Variants in NCKAP1L observed in about 807,000 individuals in gnomAD.
NCKAP1L encodes the protein NCK associated protein 1 like.
A neutral mutation model predicts 139.2 loss-of-function variants in NCKAP1L; 53 were observed. The observed-to-expected ratio is 0.38, with a 90% CI of 0.31 to 0.48. NCKAP1L has a LOEUF of 0.48. NCKAP1L is among the 20% of genes least tolerant of loss of function. The probability of loss-of-function intolerance (pLI) is 0.98; values close to 1 mark genes in which losing one functional copy is unlikely to be tolerated. For missense variants in NCKAP1L, 1,151 were observed against 1,381.9 expected, an observed-to-expected ratio of 0.83 and a Z score of 2.65; for synonymous variants, 468 against 499.7, an observed-to-expected ratio of 0.94 and a Z score of 0.85.
chr12:54,523,863 T>G lies in NCKAP1L; in HGVS notation c.2063T>G (p.Leu688Arg). ...CACCTAAACTTGACAGAACTGGCAC[T>G]GACAATGAATCATGTATACAGTTTC... ...KLHLNLTELALTMNHVYSFSV... is the reference protein window; with the variant it reads ...KLHLNLTELARTMNHVYSFSV... Residue 688 changes from leucine to arginine, a missense_variant, in exon 20 of 31, where the codon CTG becomes CGG. Leu to Arg is a moderately radical substitution (Grantham distance 102, BLOSUM62 -2). Transcript: ENST00000293373. The G allele has an allele frequency of 6.2e-7, 1 of 1,614,156 alleles. No individual in the cohort carries two copies. The highest frequency in any genetic ancestry group is 8.5e-7 in the Non-Finnish European group (1 of 1,179,998).
intron 9 of NCKAP1L, among the ~76,000 whole-genome samples, chr12:54,512,857 T>G (rs1444324100): frequency 6.6e-6 from 1 of 151,836 alleles, no homozygotes; most frequent in Admixed American, 6.6e-5. Context: ...GGGAGTTGCT[T>G]GAGGCAAAGA....
rs780525897 is a variant in NCKAP1L at position 54,518,728 on chromosome 12, A to T, written c.1416A>T (p.Lys472Asn). Reference sequence around the variant, plus strand: ...GTATCCTCTCCTCTCTGAATCTCAAACAAGGTAACTGGAGGGAGGTGGGGG... The same window carrying T: ...GTATCCTCTCCTCTCTGAATCTCAATCAAGGTAACTGGAGGGAGGTGGGGG... ...FVSILSSLNL[K>N]QVDNGEKFEF... Residue 472 changes from lysine (K) to asparagine (N), a missense_variant, in exon 14 of 31, where the codon AAA (lysine) becomes AAT (asparagine). Lys to Asn is a moderately conservative substitution (Grantham distance 94, BLOSUM62 0). Coordinates refer to ENST00000293373, the MANE Select transcript of NCKAP1L (RefSeq NM_005337.5). The T allele has an allele frequency of 1.2e-6, 2 of 1,612,268 alleles. No individual in the cohort carries two copies. Among genetic ancestry groups the T allele is most frequent in the East Asian group, 2.2e-5 (1 of 44,882 alleles).
chr12:54,522,531 C>T (rs1270317440), intron 18 of NCKAP1L, among the ~76,000 whole-genome samples: 2 of 152,212 alleles, frequency 1.3e-5, no homozygotes, highest in African/African-American at 2.4e-5. Context: ...TTTGGAACTG[C>T]TTTCAGAATC....
At chr12:54,502,856 GGCATGGTAGTGAGT>G (rs1005328742) in intron 3 of NCKAP1L, among the ~76,000 whole-genome samples, 5 of 145,852 alleles carry the variant, frequency 3.4e-5, no homozygotes, top group Admixed American at 2.1e-4. Flanking sequence ...AAATTAGCTG[GGCATGGTAGTGAGT>G]GCCTGTAGTC....
At chr12:54,531,428 G>A in intron 23 of NCKAP1L, 63 bp from the exon 24 acceptor site, 1 of 1,606,660 alleles carries the variant, frequency 6.2e-7, no homozygotes, top group Non-Finnish European at 8.5e-7. Flanking sequence ...GGAGACTGGG[G>A]GGGAAGATGT....
At chr12:54,500,909 G>C in intron 3 of NCKAP1L, 1 of 245,572 alleles carries the variant, frequency 4.1e-6, no homozygotes, top group African/African-American at 2.3e-5. Flanking sequence ...ACTACCTTTG[G>C]GGACTGATTA....
intron 27 of NCKAP1L, 81 bp downstream of exon 27, chr12:54,535,278 A>C: frequency 9.3e-7 from 1 of 1,071,956 alleles, no homozygotes; most frequent in Non-Finnish European, 1.4e-6. Context: ...AATGTCAAAG[A>C]AGCCTTTATT....
chr12:54,503,019 AG>A lies in NCKAP1L; in HGVS notation c.306+2395del, dbSNP rs373832686. Among the ~76,000 whole-genome samples, 201 of 150,148 alleles carry A rather than the reference AG, an allele frequency of 1.3e-3. 3 individuals carry two copies. Among genetic ancestry groups the A allele is most frequent in the Non-Finnish European group, 1.3e-3 (86 of 67,394 alleles). ...GACTTTGTCTCAAAAAAAAAAAAAA[AG>A]AAACAAAACCCCACCCAAACTAATA... On this transcript the variant is annotated intron_variant, in intron 3 of 30. Transcript: ENST00000293373.
chr12:54,512,878 A>C lies in NCKAP1L; in HGVS notation c.941+773A>C, dbSNP rs1043931416. ...TGCTTGAGGCAAAGAAAGATATTCTAGGCAGAGAAACTATCAAGATTTTTG... is the reference window on the plus strand; with the variant it reads ...TGCTTGAGGCAAAGAAAGATATTCTCGGCAGAGAAACTATCAAGATTTTTG... On this transcript the variant is annotated intron_variant, in intron 9 of 30. Transcript: ENST00000293373. Among the ~76,000 whole-genome samples the C allele has an allele frequency of 5.3e-5, 8 of 152,244 alleles. No homozygotes were observed. In the East Asian group the frequency reaches 9.6e-4, roughly 18 times the overall value.
intron 26 of NCKAP1L, among the ~76,000 whole-genome samples, chr12:54,532,472 G>A (rs1437936682): frequency 6.6e-6 from 1 of 152,070 alleles, no homozygotes; most frequent in Non-Finnish European, 1.5e-5. Context: ...GACACTATGA[G>A]GGTTGGGGAG....
chr12:54,508,464 C>T lies in NCKAP1L; in HGVS notation c.439C>T (p.Arg147Trp), dbSNP rs780225435. The change falls in exon 5 of 31, where the codon CGG (arginine) becomes TGG (tryptophan). Residue 147 changes from arginine to tryptophan, a missense_variant. Coordinates refer to ENST00000293373, the MANE Select transcript of NCKAP1L (RefSeq NM_005337.5). ...CACCTCAGTCATTTTACTTCTGTCA[C>T]GGATTGAAGATCGGCGGATACTCAT... ...TYTSVILLLS[R>W]IEDRRILIGM... 27 of 1,613,896 alleles carry T rather than the reference C, an allele frequency of 1.7e-5. No homozygotes were observed. Among genetic ancestry groups the T allele is most frequent in the Admixed American group, 6.7e-5 (4 of 59,996 alleles).
rs1386575022 is a variant in NCKAP1L at position 54,543,820 on chromosome 12, C to T, written c.*1135C>T. 1 of 152,224 alleles carries T rather than the reference C, an allele frequency of 6.6e-6. No homozygotes were observed. The highest frequency in any genetic ancestry group is 1.5e-5 in the Non-Finnish European group (1 of 68,044). The allele number at this position is 152,224 out of a possible 1,614,324, so 9.4% of individuals were successfully genotyped here. ...CCCATGCATCACTTCTGTGAATCCA[C>T]TGCCAGGGAGAAGTGGAGAAACAGA... On this transcript the variant is annotated 3_prime_UTR_variant, in exon 31 of 31. Coordinates refer to ENST00000293373, the MANE Select transcript of NCKAP1L (RefSeq NM_005337.5).
chr12:54,511,027 G>T (rs950343145), intron 7 of NCKAP1L, among the ~76,000 whole-genome samples: 1 of 152,154 alleles, frequency 6.6e-6, no homozygotes, highest in African/African-American at 2.4e-5. Flanking sequence ...AGAACTTATA[G>T]TCTGGTAGGG....
At position 54,508,994 on chromosome 12, in the gene NCKAP1L, C is replaced by T. The variant is rs1956864444; in HGVS notation, c.506+463C>T. On this transcript the variant is annotated intron_variant, in intron 5 of 30. Transcript: ENST00000293373. ...GCATCATCTCTGAACAATTTTTAATCCTGGACTGGCTTCTACTCTGATTTT... is the reference window on the plus strand; with the variant it reads ...GCATCATCTCTGAACAATTTTTAATTCTGGACTGGCTTCTACTCTGATTTT... Among the ~76,000 whole-genome samples the T allele has an allele frequency of 2.6e-5, 4 of 152,118 alleles. No homozygotes were observed. The South Asian group carries it at 8.3e-4, about 31-fold the overall frequency.
In NCKAP1L at chr12:54,499,368, C is replaced by T; in HGVS notation, c.116C>T (p.Pro39Leu). Reference sequence around the variant, plus strand: ...TTCTCTCTGCAGACTTGTTCAGACCCCAAATCTAAGCCACCTTTCTTACTG... The same window carrying T: ...TTCTCTCTGCAGACTTGTTCAGACCTCAAATCTAAGCCACCTTTCTTACTG... ...MYNIKKTCSD[P>L]KSKPPFLLEK... Residue 39 changes from proline (P) to leucine (L), a missense_variant, in exon 2 of 31, where the codon CCC becomes CTC. Coordinates refer to ENST00000293373, the MANE Select transcript of NCKAP1L (RefSeq NM_005337.5). 1 of 1,602,876 alleles carries T rather than the reference C, an allele frequency of 6.2e-7. No individual in the cohort carries two copies. Among genetic ancestry groups the T allele is most frequent in the South Asian group, 1.1e-5 (1 of 90,828 alleles).
In NCKAP1L at chr12:54,512,804, T is replaced by TTG. The variant is rs146581573; in HGVS notation, c.941+716_941+717dup. On this transcript the variant is annotated intron_variant, in intron 9 of 30. Coordinates refer to ENST00000293373, the MANE Select transcript of NCKAP1L (RefSeq NM_005337.5). ...TGTGTGTGTGTGTATGTGTGAGTAATTGTGTGTGTGTGTGTGTGCCTGTGC... is the reference window on the plus strand; with the variant it reads ...TGTGTGTGTGTGTATGTGTGAGTAATTGTGTGTGTGTGTGTGTGTGCCTGTGC... 8.5e-4 allele frequency among the ~76,000 whole-genome samples: 123 copies of TTG among 145,350 alleles called. 1 individual carries two copies. Among genetic ancestry groups the TTG allele is most frequent in the East Asian group, 4.4e-3 (22 of 5,008 alleles).
At position 54,538,951 on chromosome 12, in the gene NCKAP1L, C is replaced by G; in HGVS notation, c.3251C>G (p.Ser1084Cys). 1 of 1,614,032 alleles carries G rather than the reference C, an allele frequency of 6.2e-7. No individual in the cohort carries two copies. ...AAGCTTAAAACCAGAAATCGAGAAT[C>G]CATTTCTCTGCTCATGCGCTTGGTA... is the stretch of plus-strand genomic sequence containing the variant. ...TDKLKTRNRE[S>C]ISLLMRLVVE... Residue 1084 changes from serine (S) to cysteine (C), a missense_variant, in exon 30 of 31, where the codon TCC becomes TGC. By Grantham distance (112) the Ser-to-Cys change is moderately radical. Coordinates refer to ENST00000293373, the MANE Select transcript of NCKAP1L (RefSeq NM_005337.5).
At chr12:54,521,067 A>C in intron 17 of NCKAP1L, 52 bp from the exon 18 acceptor site, 1 of 1,610,812 alleles carries the variant, frequency 6.2e-7, no homozygotes, top group East Asian at 2.2e-5. Flanking sequence ...TGTGAGGAAG[A>C]AGTGGCCGTG....
chr12:54,526,708 C>T lies in NCKAP1L; in HGVS notation c.2337C>T (p.Ser779=). The part of the protein sequence containing the change: ...ALLQQTQPLD[S]CGEQTITTLY... ...TGCAGCAGACACAACCACTGGATTC[C>T]TGTGGGGAACAGACAATCACCACAC... Residue 779 remains serine, a synonymous_variant, in exon 21 of 31, where the codon TCC becomes TCT. Coordinates refer to ENST00000293373, the MANE Select transcript of NCKAP1L (RefSeq NM_005337.5). 6.2e-7 allele frequency: 1 copy of T among 1,614,044 alleles called. No individual in the cohort carries two copies. Among genetic ancestry groups the T allele is most frequent in the Non-Finnish European group, 8.5e-7 (1 of 1,179,980 alleles).
Sources: allele counts gnomAD v4.1 joint callset (sites outside exome capture counted in the v4.1 genomes callset), GRCh38; gene constraint gnomAD v4.1.1; transcripts MANE v1.5; gene names NCBI Gene and HGNC (gene_info 2026-07-23, HGNC 2026-07-21).